EYA2: variants seen among roughly 807,000 people sequenced by gnomAD.
EYA2 encodes protein phosphatase EYA2.
A neutral mutation model predicts 69.2 loss-of-function variants in EYA2; 31 were observed. That is an observed-to-expected ratio of 0.45 (90% CI 0.34 to 0.60). EYA2 has a LOEUF of 0.60. EYA2 is among the 20% of genes least tolerant of loss of function. The pLI, the probability that EYA2 is intolerant of heterozygous loss-of-function variation, is 0.02. For synonymous variants in EYA2, 257 were observed against 279.4 expected, an observed-to-expected ratio of 0.92 and a Z score of 0.80; for missense variants, 622 against 701.2, an observed-to-expected ratio of 0.89 and a Z score of 1.28.
At chr20:46,990,199 G>A (rs182324516) in intron 2 of EYA2, 80 bp downstream of exon 2, 48 of 761,680 alleles carry the variant, frequency 6.3e-5, no homozygotes, top group East Asian at 2.8e-4. Context: ...CAACAGACAC[G>A]CATCCTTTCC....
intron 7 of EYA2, among the ~76,000 whole-genome samples, chr20:47,078,643 A>G (rs1220743118): frequency 6.6e-6 from 1 of 152,270 alleles, no homozygotes; most frequent in Non-Finnish European, 1.5e-5. Flanking sequence ...TTGCTGATAT[A>G]GAGGGCAGAA....
Position 47,041,064 on chromosome 20 carries a change from G to C in EYA2, c.415+24767G>C, listed in dbSNP as rs556753058. On this transcript the variant is annotated intron_variant, in intron 5 of 15. Coordinates refer to ENST00000327619, the MANE Select transcript of EYA2 (RefSeq NM_005244.5). ...GCTGGAGGATAAACCACCCTCCACA[G>C]GGAAGTTAGATAACCAGCAGGTGGG... Among the ~76,000 whole-genome samples the C allele has an allele frequency of 4.6e-5, 7 of 152,322 alleles. No individual in the cohort carries two copies. In the East Asian group the frequency reaches 1.2e-3, roughly 25 times the overall value.
intron 7 of EYA2, among the ~76,000 whole-genome samples, chr20:47,082,809 T>G (rs933323007): frequency 6.6e-6 from 1 of 152,226 alleles, no homozygotes; most frequent in African/African-American, 2.4e-5. Context: ...TAAGACTACC[T>G]GATTTTAAAA....
At chr20:47,150,393 G>T (rs1600746060) in intron 10 of EYA2, among the ~76,000 whole-genome samples, 1 of 152,180 alleles carries the variant, frequency 6.6e-6, no homozygotes, top group East Asian at 1.9e-4. Context: ...CTCTCATGAG[G>T]AAATCTGAAA....
intron 5 of EYA2, among the ~76,000 whole-genome samples, chr20:47,045,972 C>T (rs770183224): frequency 2.0e-5 from 3 of 152,164 alleles, no homozygotes; most frequent in African/African-American, 4.8e-5. Context: ...TTAAGGCTAA[C>T]GTCTAAGTCC....
At chr20:47,120,998 T>C (rs1029062736) in intron 9 of EYA2, among the ~76,000 whole-genome samples, 4 of 152,218 alleles carry the variant, frequency 2.6e-5, no homozygotes, top group Non-Finnish European at 4.4e-5. Context: ...GAATATTTGA[T>C]AGCATTCTCC....
chr20:46,948,626 T>A (rs1455676330), intron 1 of EYA2, among the ~76,000 whole-genome samples: 1 of 152,230 alleles, frequency 6.6e-6, no homozygotes, highest in Admixed American at 6.5e-5. Context: ...CCAACTGTTT[T>A]TCTGGTGATA....
chr20:46,903,940 A>G (rs1034087039), intron 1 of EYA2, among the ~76,000 whole-genome samples: 1 of 152,234 alleles, frequency 6.6e-6, no homozygotes, highest in Non-Finnish European at 1.5e-5. Flanking sequence ...CCTCCATTCA[A>G]TGTTCAATGA....
At chr20:47,001,787 C>CTTT (rs61340904) in intron 3 of EYA2, among the ~76,000 whole-genome samples, 32 of 147,484 alleles carry the variant, frequency 2.2e-4, no homozygotes, top group African/African-American at 7.6e-4. Context: ...TCTCTTCATT[C>CTTT]TTTTTTTTTT....
At chr20:47,001,003 G>C (rs747283160) in intron 2 of EYA2, among the ~76,000 whole-genome samples, 1 of 152,076 alleles carries the variant, frequency 6.6e-6, no homozygotes, top group Non-Finnish European at 1.5e-5. Context: ...TTTGAGGCAG[G>C]GAAGGGAGCG....
At chr20:46,926,171 G>A (rs1985404623) in intron 1 of EYA2, among the ~76,000 whole-genome samples, 1 of 152,044 alleles carries the variant, frequency 6.6e-6, no homozygotes, top group South Asian at 2.1e-4. Flanking sequence ...TAATTATTAG[G>A]ACTAATTAAC....
chr20:47,158,327 T>G (rs985961194), intron 10 of EYA2, among the ~76,000 whole-genome samples: 1 of 151,760 alleles, frequency 6.6e-6, no homozygotes, highest in African/African-American at 2.4e-5. Context: ...ACCAGCCTGG[T>G]CAACATGATG....
In EYA2 at chr20:46,960,190, C is replaced by A. The variant is rs138611924; in HGVS notation, c.-10-29811C>A. Among the ~76,000 whole-genome samples, 202 of 152,246 alleles carry A rather than the reference C, an allele frequency of 1.3e-3. 1 individual carries two copies. Among genetic ancestry groups the A allele is most frequent in the African/African-American group, 4.7e-3 (195 of 41,550 alleles). ...ACTTACTATGCACCAACAAAGCACT[C>A]GGCATGTATTCACTCATTTCACGCC... On this transcript the variant is annotated intron_variant, in intron 1 of 15. Coordinates refer to ENST00000327619, the MANE Select transcript of EYA2 (RefSeq NM_005244.5).
intron 5 of EYA2, among the ~76,000 whole-genome samples, chr20:47,024,295 C>T (rs545874518): frequency 6.6e-6 from 1 of 152,322 alleles, no homozygotes; most frequent in Non-Finnish European, 1.5e-5. Flanking sequence ...CAGTTGGGAT[C>T]AGAGCAGTGT....
chr20:47,001,316 G>A lies in EYA2; in HGVS notation c.110-112G>A, dbSNP rs1015918383. On this transcript the variant is annotated intron_variant, in intron 2 of 15. Transcript: ENST00000327619. ...AAGCATCTGTGGTGGAGAAAGCCGC[G>A]GGCAGCACCCCTCCAAGTCTGCTCC... The A allele has an allele frequency of 3.6e-5, 32 of 884,664 alleles. No homozygotes were observed. The East Asian group carries it at 4.3e-4, about 12-fold the overall frequency. The allele number at this position is 884,664 out of a possible 1,614,324, so 54.8% of individuals were successfully genotyped here.
At chr20:46,986,727 C>T (rs954048605) in intron 1 of EYA2, among the ~76,000 whole-genome samples, 6 of 152,066 alleles carry the variant, frequency 3.9e-5, no homozygotes, top group East Asian at 1.9e-4. Context: ...TAACAGAAGG[C>T]GCAAGAGAGA....
chr20:47,133,284 T>C (rs532386090), intron 9 of EYA2, among the ~76,000 whole-genome samples: 1 of 152,150 alleles, frequency 6.6e-6, no homozygotes, highest in African/African-American at 2.4e-5. Context: ...CCAGGAGTCA[T>C]AGCTAAAGTC....
chr20:46,971,737 T>G (rs1980159471), intron 1 of EYA2, among the ~76,000 whole-genome samples: 2 of 152,332 alleles, frequency 1.3e-5, no homozygotes, highest in South Asian at 4.1e-4. Flanking sequence ...GTTTTACCAT[T>G]AGCATGTGTA....
At chr20:46,910,298 G>T (rs962831289) in intron 1 of EYA2, among the ~76,000 whole-genome samples, 6 of 152,242 alleles carry the variant, frequency 3.9e-5, no homozygotes, top group Non-Finnish European at 7.4e-5. Flanking sequence ...GAAAGAGGCG[G>T]GAGGTGCCAC....
Sources: allele counts gnomAD v4.1 joint callset (sites outside exome capture counted in the v4.1 genomes callset), GRCh38; gene constraint gnomAD v4.1.1; transcripts MANE v1.5; gene names NCBI Gene and HGNC (gene_info 2026-07-23, HGNC 2026-07-21).